EML5: variants seen among roughly 807,000 people sequenced by gnomAD.
EML5 encodes the protein EMAP like 5.
Under a neutral mutation model 250.0 loss-of-function variants are expected in EML5, and 120 were observed. The ratio of observed to expected loss-of-function variants is 0.48; its 90% CI spans 0.41 to 0.56. EML5 has a LOEUF of 0.56. EML5 is among the 20% of genes least tolerant of loss of function. The pLI is 0.00. For synonymous variants in EML5, 771 were observed against 806.5 expected, an observed-to-expected ratio of 0.96 and a Z score of 0.75; for missense variants, 2,006 against 2,437.6, an observed-to-expected ratio of 0.82 and a Z score of 3.73.
intron 8 of EML5, among the ~76,000 whole-genome samples, chr14:88,718,143 A>T (rs907505515): frequency 6.6e-6 from 1 of 152,210 alleles, no homozygotes; most frequent in African/African-American, 2.4e-5. Flanking sequence ...GCCCATAGAC[A>T]GATGATCAGT....
intron 21 of EML5, among the ~76,000 whole-genome samples, chr14:88,672,088 T>C (rs1288415990): frequency 6.6e-6 from 1 of 152,004 alleles, no homozygotes. Flanking sequence ...CCAAAAACAA[T>C]AGAATATACT....
chr14:88,625,110 T>G lies in EML5; in HGVS notation c.4758A>C (p.Thr1586=), dbSNP rs1168583869. The part of the protein sequence containing the change: ...IAFGANNLTF[T]GTISGDVCVW... ...CACAGACATCACCACTGATGGTACC[T>G]GTAAACGTCAAGTTATTCTGAAAAG... Residue 1586 remains threonine (T), a synonymous_variant, in exon 36 of 44, where the codon ACA becomes ACC. Transcript: ENST00000554922. The G allele has an allele frequency of 5.0e-6, 8 of 1,613,538 alleles. No individual in the cohort carries two copies. The highest frequency in any genetic ancestry group is 5.9e-6 in the Non-Finnish European group (7 of 1,179,798).
rs561050001 is a variant in EML5 at position 88,657,649 on chromosome 14, A to G, written c.3878-147T>C. The G allele has an allele frequency of 1.3e-4, 87 of 663,514 alleles. No homozygotes were observed. In the East Asian group the frequency reaches 2.6e-3, roughly 20 times the overall value. The allele number at this position is 663,514 out of a possible 1,614,324, so 41.1% of individuals were successfully genotyped here. A position where few individuals can be genotyped will look rare whatever the true frequency, so the allele number is the denominator to read the frequency against. ...AAGTAATATACAACCAGAAAAAACG[A>G]TGTAGAAGAATATTTAATTATATGT... is the stretch of plus-strand genomic sequence containing the variant. On this transcript the variant is annotated intron_variant, in intron 26 of 43. Coordinates refer to ENST00000554922, the MANE Select transcript of EML5 (RefSeq NM_183387.3).
At chr14:88,758,497 C>G (rs891596121) in intron 1 of EML5, among the ~76,000 whole-genome samples, 1 of 152,132 alleles carries the variant, frequency 6.6e-6, no homozygotes, top group African/African-American at 2.4e-5. Flanking sequence ...GCCTGGCCCA[C>G]TTCTATATTT....
intron 21 of EML5, among the ~76,000 whole-genome samples, chr14:88,675,924 A>AG (rs577661650): frequency 1.3e-4 from 20 of 152,256 alleles, no homozygotes; most frequent in South Asian, 1.0e-3. Flanking sequence ...CTAAAACATA[A>AG]GAAGAGTCAC....
intron 33 of EML5, among the ~76,000 whole-genome samples, chr14:88,631,751 CAA>C (rs1232743718): frequency 6.6e-6 from 1 of 152,060 alleles, no homozygotes; most frequent in Non-Finnish European, 1.5e-5. Context: ...GCCTGGGCAA[CAA>C]GAGTGAAACT....
chr14:88,741,916 C>T (rs1301273540), intron 4 of EML5, among the ~76,000 whole-genome samples: 1 of 152,110 alleles, frequency 6.6e-6, no homozygotes, highest in Non-Finnish European at 1.5e-5. Flanking sequence ...ATTCAAAGAT[C>T]TAATGAGTAC....
intron 21 of EML5, among the ~76,000 whole-genome samples, chr14:88,672,571 G>C (rs1474450075): frequency 6.6e-6 from 1 of 151,906 alleles, no homozygotes; most frequent in African/African-American, 2.4e-5. Context: ...AGGAGATAGA[G>C]ACACGAAAAG....
Position 88,658,262 on chromosome 14 carries a change from T to C in EML5, c.3802A>G (p.Asn1268Asp). 6.2e-7 allele frequency: 1 copy of C among 1,613,844 alleles called. No individual in the cohort carries two copies. The highest frequency in any genetic ancestry group is 1.1e-5 in the South Asian group (1 of 91,086). The change falls in exon 26 of 44, where the codon AAT becomes GAT. Residue 1268 changes from asparagine (N) to aspartate (D), a missense_variant. Physicochemically the swap from Asn to Asp is conservative, Grantham distance 23. This residue lies in a region of EML5 where 1,375 missense variants were observed against 1,590.3 expected (regional missense o/e 0.86). Coordinates refer to ENST00000554922, the MANE Select transcript of EML5 (RefSeq NM_183387.3). ...TTTTCTCGATAGCCTTCCATCTCAT[T>C]TGTCCACACCATTAAAGACATATCT... ...GTDMSLMVWT[N>D]EMEGYREKRP...
intron 1 of EML5, among the ~76,000 whole-genome samples, chr14:88,755,141 T>C (rs1263598646): frequency 6.6e-6 from 1 of 152,194 alleles, no homozygotes; most frequent in East Asian, 1.9e-4. Flanking sequence ...TCTATAAAAA[T>C]CCATGCTAAC....
At chr14:88,693,023 A>C (rs958574992) in intron 17 of EML5, among the ~76,000 whole-genome samples, 6 of 152,156 alleles carry the variant, frequency 3.9e-5, no homozygotes, top group African/African-American at 1.2e-4. Flanking sequence ...GAAAACAGAC[A>C]TTTTTTATTT....
At chr14:88,729,979 C>G (rs2093730332) in intron 7 of EML5, among the ~76,000 whole-genome samples, 1 of 151,864 alleles carries the variant, frequency 6.6e-6, no homozygotes, top group Admixed American at 6.6e-5. Flanking sequence ...ACACTCTCAT[C>G]ACTTTGGACT....
Position 88,663,022 on chromosome 14 carries a change from T to C in EML5, c.3498+9A>G, listed in dbSNP as rs1343903201. 11 of 1,546,028 alleles carry C rather than the reference T, an allele frequency of 7.1e-6. No individual in the cohort carries two copies. The highest frequency in any genetic ancestry group is 1.4e-5 in the African/African-American group (1 of 72,670). ...ATGAACAACACTGCAAGCACCACTG[T>C]TGTCCTACCTCCACGCTGGGGATGG... On this transcript the variant is annotated intron_variant, in intron 24 of 43. Coordinates refer to ENST00000554922, the MANE Select transcript of EML5 (RefSeq NM_183387.3).
At chr14:88,730,844 G>A (rs912050676) in intron 7 of EML5, among the ~76,000 whole-genome samples, 2 of 152,136 alleles carry the variant, frequency 1.3e-5, no homozygotes, top group African/African-American at 4.8e-5. Context: ...AGAAAAAATG[G>A]CTTAAAGAAA....
intron 36 of EML5, chr14:88,624,042 ACTT>A (rs1197230725): frequency 6.6e-6 from 1 of 152,058 alleles, no homozygotes; most frequent in Non-Finnish European, 1.5e-5. Flanking sequence ...ATTGAAATGT[ACTT>A]CTTAGTCAAC....
intron 23 of EML5, among the ~76,000 whole-genome samples, chr14:88,663,698 G>A (rs1459039525): frequency 1.3e-5 from 2 of 151,254 alleles, no homozygotes; most frequent in African/African-American, 2.4e-5. Flanking sequence ...TTTTAAAAAT[G>A]TATTTCATTT....
chr14:88,764,159 G>A (rs559646697), intron 1 of EML5, among the ~76,000 whole-genome samples: 7 of 152,188 alleles, frequency 4.6e-5, no homozygotes, highest in Middle Eastern at 3.4e-3. Context: ...AGCTTATTTT[G>A]TTGAGAATTT....
intron 1 of EML5, among the ~76,000 whole-genome samples, chr14:88,767,368 T>C (rs1002267293): frequency 1.3e-5 from 2 of 152,194 alleles, no homozygotes; most frequent in South Asian, 4.1e-4. Context: ...CTTATGAAGA[T>C]GCCCTTCTTG....
chr14:88,658,920 GTA>G (rs2091968629), intron 25 of EML5, among the ~76,000 whole-genome samples: 1 of 152,070 alleles, frequency 6.6e-6, no homozygotes, highest in Non-Finnish European at 1.5e-5. Flanking sequence ...TACAGCATGA[GTA>G]TGTTAACAAA....
Sources: allele counts gnomAD v4.1 joint callset (sites outside exome capture counted in the v4.1 genomes callset), GRCh38; gene constraint gnomAD v4.1.1; regional missense constraint gnomAD v4.1.1; transcripts MANE v1.5; gene names NCBI Gene and HGNC (gene_info 2026-07-23, HGNC 2026-07-21).